Variants in ABCC5 observed in about 807,000 individuals in gnomAD.
ABCC5 encodes ATP binding cassette subfamily C member 5.
ABCC5 carries 61 observed loss-of-function variants against 160.9 expected under a neutral mutation model. The ratio of observed to expected loss-of-function variants is 0.38; its 90% CI spans 0.31 to 0.47. The LOEUF (loss-of-function observed/expected upper bound fraction) is 0.47, where lower values mean the gene tolerates loss of function less well. Among genes scored for constraint, ABCC5 ranks in the 20% least tolerant of loss-of-function variants. The pLI is 0.99. For missense variants in ABCC5, 1,308 were observed against 1,813.3 expected (o/e 0.72, Z 5.06); for synonymous variants, 666 against 700.6 (o/e 0.95, Z 0.78).
At chr3:183,999,075 G>C (rs1481931054) in intron 2 of ABCC5, among the ~76,000 whole-genome samples, 1 of 146,244 alleles carries the variant, frequency 6.8e-6, no homozygotes, top group East Asian at 2.0e-4. Flanking sequence ...GTGTGACAGA[G>C]GGAGACTCTG....
intron 10 of ABCC5, among the ~76,000 whole-genome samples, chr3:183,974,295 A>G (rs544558449): frequency 5.3e-5 from 8 of 152,260 alleles, no homozygotes; most frequent in African/African-American, 1.7e-4. Flanking sequence ...GCCCAGTTAA[A>G]TTAATTAATT....
intron 3 of ABCC5, 53 bp downstream of exon 3, chr3:183,989,173 A>AG: frequency 7.7e-7 from 1 of 1,291,912 alleles, no homozygotes; most frequent in South Asian, 1.5e-5. Flanking sequence ...AAAAAAAAAA[A>AG]AAAAAAAAAG....
chr3:183,947,303 G>A (rs780733059), intron 23 of ABCC5, 21 bp downstream of exon 23: 9 of 1,560,934 alleles, frequency 5.8e-6, no homozygotes, highest in South Asian at 2.4e-5. Flanking sequence ...CAAAGATGAC[G>A]CTCCTATCCC....
rs377030024 is a variant in ABCC5, at chr3:183,947,423, G to A, written c.3315C>T (p.Ile1105=). Residue 1105 remains isoleucine, a synonymous_variant, in exon 23 of 30, where the codon ATC becomes ATT. Transcript: ENST00000334444. ...MRWLAVRLDL[I]SIALITTTGL... ...CCGTGGTGGTGATGAGGGCGATGCT[G>A]ATGAGGTCCAGCCGCACAGCCAGCC... The A allele has an allele frequency of 8.1e-6, 13 of 1,613,684 alleles. No homozygotes were observed. The highest frequency in any genetic ancestry group is 1.0e-5 in the Non-Finnish European group (12 of 1,179,790).
intron 1 of ABCC5, among the ~76,000 whole-genome samples, chr3:184,014,946 T>G (rs79313368): frequency 0.046 from 6,943 of 152,284 alleles, 253 homozygotes; most frequent in East Asian, 0.17. Flanking sequence ...AATTAACTAA[T>G]GGGTTAGCTG....
Position 183,978,497 on chromosome 3 carries a change from C to T in ABCC5, c.1296+6G>A, listed in dbSNP as rs758921660. The stretch of plus-strand genomic sequence containing the variant: ...AAATGTTCCCCATCCCTGAGGGTTC[C>T]CTGACCTGTGCTGCTGTCAGATCGA... On this transcript the variant is annotated splice_donor_region_variant and intron_variant, in intron 9 of 29. Transcript: ENST00000334444. 2 of 1,611,324 alleles carry T rather than the reference C, an allele frequency of 1.2e-6. No homozygotes were observed. Among genetic ancestry groups the T allele is most frequent in the East Asian group, 4.5e-5 (2 of 44,864 alleles).
chr3:183,984,953 AT>A, intron 5 of ABCC5: 3 of 1,434,468 alleles, frequency 2.1e-6, no homozygotes, highest in Non-Finnish European at 2.8e-6. Flanking sequence ...TTAGAGTGCC[AT>A]TTTTCAGCAC....
intron 2 of ABCC5, among the ~76,000 whole-genome samples, chr3:183,989,592 C>CTT (rs10670556): frequency 0.32 from 46,609 of 145,372 alleles, 8,111 homozygotes; most frequent in East Asian, 0.59. Flanking sequence ...AAACAGTTTT[C>CTT]TTTTTTTTTT....
Position 183,921,249 on chromosome 3 carries a change from G to A in ABCC5, c.*51C>T, listed in dbSNP as rs1711936945. The A allele has an allele frequency of 9.1e-7, 1 of 1,099,066 alleles. No individual in the cohort carries two copies. Among genetic ancestry groups the A allele is most frequent in the Non-Finnish European group, 1.4e-6 (1 of 736,818 alleles). The allele number at this position is 1,099,066 out of a possible 1,614,324, so 68.1% of individuals were successfully genotyped here. On this transcript the variant is annotated 3_prime_UTR_variant, in exon 30 of 30. Transcript: ENST00000334444. The surrounding 1 kb of genome is among the most constrained non-coding windows in gnomAD (Gnocchi z 4.1). Reference sequence around the variant, plus strand: ...GGACGCGATGAGGGGCCCGCCCCAGGCAGGGAATGGCAATGCTCTAAAGAA... The same window carrying A: ...GGACGCGATGAGGGGCCCGCCCCAGACAGGGAATGGCAATGCTCTAAAGAA...
At chr3:184,011,555 C>A (rs1216805649) in intron 2 of ABCC5, 1 of 152,130 alleles carries the variant, frequency 6.6e-6, no homozygotes, top group African/African-American at 2.4e-5. Context: ...GGGCATTAAT[C>A]CAGAGAAATA....
intron 25 of ABCC5, among the ~76,000 whole-genome samples, chr3:183,938,448 G>A (rs547127496): frequency 9.9e-5 from 15 of 152,156 alleles, no homozygotes; most frequent in Admixed American, 5.9e-4. Context: ...ACAGGCACGC[G>A]TCACCATGCC....
intron 14 of ABCC5, among the ~76,000 whole-genome samples, chr3:183,964,068 G>A (rs1301031371): frequency 1.3e-5 from 2 of 152,186 alleles, no homozygotes; most frequent in Non-Finnish European, 2.9e-5. Context: ...TGGGACCTAA[G>A]CCATTTGAAA....
chr3:183,940,848 G>GTTATTATTA (rs34025610), intron 25 of ABCC5, among the ~76,000 whole-genome samples: 3 of 150,978 alleles, frequency 2.0e-5, no homozygotes, highest in East Asian at 1.9e-4. Flanking sequence ...TGTAAATCAG[G>GTTATTATTA]TTATTATTAT....
At chr3:183,994,064 A>T (rs1430294549) in intron 2 of ABCC5, among the ~76,000 whole-genome samples, 3 of 149,332 alleles carry the variant, frequency 2.0e-5, no homozygotes, top group Non-Finnish European at 4.4e-5. Flanking sequence ...CCCGGGTTCC[A>T]GCAATTCACT....
chr3:184,014,004 C>G (rs1396995335), intron 2 of ABCC5, among the ~76,000 whole-genome samples: 5 of 152,122 alleles, frequency 3.3e-5, no homozygotes, highest in Admixed American at 2.0e-4. Flanking sequence ...TCGCAAGTAT[C>G]TGGGATTATA....
At chr3:183,969,689 CT>C (rs1174202333) in intron 11 of ABCC5, among the ~76,000 whole-genome samples, 2 of 124,170 alleles carry the variant, frequency 1.6e-5, no homozygotes, top group African/African-American at 7.5e-5. Flanking sequence ...CAGACTCTGT[CT>C]CAAAAAAAAA....
Position 183,982,167 on chromosome 3 carries a change from C to T in ABCC5, c.999+284G>A, listed in dbSNP as rs1356991694. ...GAGGCAGGAGGGCCCTATCACTTAG[C>T]ACCAACTCCAACGCAGTGACTCAAA... is the stretch of plus-strand genomic sequence containing the variant. On this transcript the variant is annotated intron_variant, in intron 7 of 29. Transcript: ENST00000334444. This position sits in a 1 kb window ranked among gnomAD's most constrained non-coding sequence, Gnocchi z 5.2. Among the ~76,000 whole-genome samples the T allele has an allele frequency of 1.3e-5, 2 of 152,106 alleles. No homozygotes were observed. The highest frequency in any genetic ancestry group is 3.9e-4 in the East Asian group (2 of 5,172).
chr3:183,953,503 C>T (rs1336893621), intron 17 of ABCC5, among the ~76,000 whole-genome samples: 1 of 152,146 alleles, frequency 6.6e-6, no homozygotes, highest in Non-Finnish European at 1.5e-5. Context: ...CAGGTCCCCA[C>T]CCCTAGGGAC....
intron 11 of ABCC5, 122 bp from the exon 12 acceptor site, chr3:183,967,888 G>T: frequency 1.3e-6 from 1 of 780,984 alleles, no homozygotes; most frequent in Non-Finnish European, 2.2e-6. Flanking sequence ...TGATGACTCA[G>T]CAGGCCACTT....
Sources: allele counts gnomAD v4.1 joint callset (sites outside exome capture counted in the v4.1 genomes callset), GRCh38; gene constraint gnomAD v4.1.1; non-coding constraint Gnocchi (gnomAD v3.1); transcripts MANE v1.5; gene names NCBI Gene and HGNC (gene_info 2026-07-23, HGNC 2026-07-21).